SLC39A11: variants seen among roughly 807,000 people sequenced by gnomAD.
SLC39A11 encodes the protein zinc transporter ZIP11.
In SLC39A11, 33 loss-of-function variants were observed where a neutral mutation model predicts 36.1. That is an observed-to-expected ratio of 0.91 (90% confidence interval 0.69 to 1.22). The LOEUF (loss-of-function observed/expected upper bound fraction) is 1.22, where lower values mean the gene tolerates loss of function less well. Ranked by LOEUF, SLC39A11 falls within the 50% of genes most tolerant of loss-of-function variation. The pLI, the probability that SLC39A11 is intolerant of heterozygous loss-of-function variation, is 0.00. For missense variants in SLC39A11, 432 were observed against 430.3 expected, an observed-to-expected ratio of 1.00 and a Z score of -0.03; for synonymous variants, 166 against 170.3, an observed-to-expected ratio of 0.97 and a Z score of 0.20.
intron 7 of SLC39A11, among the ~76,000 whole-genome samples, chr17:72,666,711 T>C (rs2070771875): frequency 6.6e-6 from 1 of 152,206 alleles, no homozygotes; most frequent in South Asian, 2.1e-4. Context: ...GCACGCCTAA[T>C]GCAAACTAAA....
chr17:72,811,793 T>A, intron 6 of SLC39A11, among the ~76,000 whole-genome samples: 1 of 152,266 alleles, frequency 6.6e-6, no homozygotes, highest in East Asian at 1.9e-4. Context: ...AGACACATGA[T>A]TTCTCTGCTC....
intron 5 of SLC39A11, among the ~76,000 whole-genome samples, chr17:72,899,750 T>A (rs776378208): frequency 3.0e-4 from 45 of 151,982 alleles, no homozygotes; most frequent in Non-Finnish European, 6.2e-4. Context: ...TCACTTGAGG[T>A]CACGAGTTTG....
intron 3 of SLC39A11, among the ~76,000 whole-genome samples, chr17:73,058,544 G>A (rs994709696): frequency 9.9e-5 from 15 of 152,202 alleles, no homozygotes; most frequent in South Asian, 6.2e-4. Flanking sequence ...CCAACATGGC[G>A]AAACCCCCTC....
chr17:72,820,867 G>A (rs371554734), intron 6 of SLC39A11, among the ~76,000 whole-genome samples: 4 of 151,406 alleles, frequency 2.6e-5, no homozygotes, highest in African/African-American at 9.6e-5. Context: ...GCAAGTCAGA[G>A]CACAGGGTCC....
At chr17:72,874,644 C>T (rs959654541) in intron 5 of SLC39A11, among the ~76,000 whole-genome samples, 1 of 152,160 alleles carries the variant, frequency 6.6e-6, no homozygotes, top group African/African-American at 2.4e-5. Context: ...ACCTTCAAAA[C>T]CTTGCTTCCA....
chr17:72,774,481 T>C (rs1487219654), intron 6 of SLC39A11, among the ~76,000 whole-genome samples: 1 of 152,160 alleles, frequency 6.6e-6, no homozygotes, highest in African/African-American at 2.4e-5. Flanking sequence ...AAACAGTAGC[T>C]CCAGAGCAGC....
At chr17:72,774,307 C>T (rs764755159) in intron 6 of SLC39A11, among the ~76,000 whole-genome samples, 6 of 152,182 alleles carry the variant, frequency 3.9e-5, no homozygotes, top group Non-Finnish European at 7.3e-5. Context: ...TCTGGCTGCA[C>T]TGATTTATGT....
chr17:72,768,919 C>T (rs2075839989), intron 6 of SLC39A11, among the ~76,000 whole-genome samples: 1 of 152,034 alleles, frequency 6.6e-6, no homozygotes, highest in Admixed American at 6.6e-5. Context: ...CGCCACCACG[C>T]TCGGCTAATT....
At chr17:72,851,968 C>G (rs1043050699) in intron 5 of SLC39A11, among the ~76,000 whole-genome samples, 1 of 151,702 alleles carries the variant, frequency 6.6e-6, no homozygotes, top group East Asian at 1.9e-4. Context: ...TTTGGGAGGC[C>G]GAGGCAGGCG....
chr17:72,740,835 C>T (rs959530901), intron 6 of SLC39A11, among the ~76,000 whole-genome samples: 17 of 152,176 alleles, frequency 1.1e-4, no homozygotes, highest in Admixed American at 7.2e-4. Context: ...AGTGCAATGG[C>T]GCAATCTTGG....
intron 7 of SLC39A11, among the ~76,000 whole-genome samples, chr17:72,716,990 TATACAC>T (rs1452128764): frequency 2.4e-4 from 29 of 123,366 alleles, no homozygotes; most frequent in Non-Finnish European, 4.4e-4. Context: ...AATATATATA[TATACAC>T]ACACACACAC....
At chr17:72,827,211 C>T (rs1449041261) in intron 6 of SLC39A11, among the ~76,000 whole-genome samples, 1 of 152,302 alleles carries the variant, frequency 6.6e-6, no homozygotes, top group East Asian at 1.9e-4. Context: ...TTTAAAAACA[C>T]TGTGCTAATT....
chr17:72,848,327 C>T (rs2079142765), intron 6 of SLC39A11, among the ~76,000 whole-genome samples: 1 of 152,194 alleles, frequency 6.6e-6, no homozygotes, highest in Non-Finnish European at 1.5e-5. Flanking sequence ...TTTATCATTT[C>T]CTATGCTTAA....
chr17:72,733,538 G>A (rs1221397748), intron 7 of SLC39A11, among the ~76,000 whole-genome samples: 1 of 152,082 alleles, frequency 6.6e-6, no homozygotes, highest in Non-Finnish European at 1.5e-5. Context: ...GCTGAGTCTG[G>A]GAGACTCCGG....
intron 4 of SLC39A11, among the ~76,000 whole-genome samples, chr17:72,972,877 T>C (rs1043152193): frequency 2.6e-5 from 4 of 152,086 alleles, no homozygotes; most frequent in Admixed American, 2.6e-4. Flanking sequence ...AACCCTCCTG[T>C]TGGATATTCT....
At chr17:73,044,887 A>G (rs1019261535) in intron 3 of SLC39A11, among the ~76,000 whole-genome samples, 1 of 151,858 alleles carries the variant, frequency 6.6e-6, no homozygotes, top group African/African-American at 2.4e-5. Context: ...AGAAAAAAAA[A>G]AAAAAAAAAG....
intron 6 of SLC39A11, among the ~76,000 whole-genome samples, chr17:72,744,469 T>C (rs1474408409): frequency 1.3e-5 from 2 of 152,144 alleles, no homozygotes; most frequent in Non-Finnish European, 2.9e-5. Flanking sequence ...ATTCTTAGAG[T>C]TTAAGTCAGT....
intron 6 of SLC39A11, among the ~76,000 whole-genome samples, chr17:72,744,906 A>C (rs1043290479): frequency 3.9e-5 from 6 of 152,116 alleles, no homozygotes; most frequent in Non-Finnish European, 7.4e-5. Context: ...CAGTGGCACA[A>C]TCTCAGCTCA....
intron 5 of SLC39A11, among the ~76,000 whole-genome samples, chr17:72,894,397 C>T (rs985397707): frequency 1.3e-4 from 16 of 125,608 alleles, no homozygotes; most frequent in Admixed American, 8.8e-5. Context: ...AGGCCAGGGA[C>T]GGTGACTCAT....
Sources: allele counts gnomAD v4.1 joint callset (sites outside exome capture counted in the v4.1 genomes callset), GRCh38; gene constraint gnomAD v4.1.1; transcripts MANE v1.5; gene names NCBI Gene and HGNC (gene_info 2026-07-23, HGNC 2026-07-21).